Variants in CDH12 observed in about 807,000 individuals in gnomAD.
The protein encoded by CDH12 is cadherin 12.
In CDH12, 41 loss-of-function variants were observed where a neutral mutation model predicts 74.1. That is an observed-to-expected ratio of 0.55 (90% CI 0.43 to 0.72). The LOEUF is 0.72. Among genes scored for constraint, CDH12 ranks in the 30% least tolerant of loss-of-function variants. The pLI, the probability that CDH12 is intolerant of heterozygous loss-of-function variation, is 0.00. For missense variants in CDH12, 945 were observed against 977.2 expected, an observed-to-expected ratio of 0.97 and a Z score of 0.44; for synonymous variants, 399 against 355.0, an observed-to-expected ratio of 1.12 and a Z score of -1.39.
intron 6 of CDH12, among the ~76,000 whole-genome samples, chr5:21,893,755 T>C (rs930698233): frequency 6.6e-5 from 10 of 152,196 alleles, no homozygotes; most frequent in African/African-American, 1.9e-4. Context: ...CATGTCATTC[T>C]TCTCTACTTC....
chr5:21,972,942 C>T (rs539325848), intron 6 of CDH12, among the ~76,000 whole-genome samples: 5 of 151,358 alleles, frequency 3.3e-5, no homozygotes, highest in African/African-American at 1.2e-4. Context: ...TGGCTCATGA[C>T]TGTAATCCCA....
intron 5 of CDH12, among the ~76,000 whole-genome samples, chr5:22,009,575 C>T (rs975682344): frequency 1.3e-5 from 2 of 152,160 alleles, no homozygotes; most frequent in Non-Finnish European, 2.9e-5. Flanking sequence ...CTTGTTGATT[C>T]TATCTTTTAA....
chr5:22,565,605 T>C (rs953077687), intron 1 of CDH12, among the ~76,000 whole-genome samples: 1 of 152,112 alleles, frequency 6.6e-6, no homozygotes, highest in Non-Finnish European at 1.5e-5. Flanking sequence ...GAAAGAGAAG[T>C]AAGAGAAGTC....
At chr5:21,838,780 A>C (rs1386905095) in intron 8 of CDH12, among the ~76,000 whole-genome samples, 1 of 152,158 alleles carries the variant, frequency 6.6e-6, no homozygotes, top group Non-Finnish European at 1.5e-5. Flanking sequence ...TTTCCTAAGC[A>C]TACTCTAGCT....
At chr5:21,909,700 A>G (rs1753783798) in intron 6 of CDH12, among the ~76,000 whole-genome samples, 2 of 152,224 alleles carry the variant, frequency 1.3e-5, no homozygotes. Context: ...TAAACATCAT[A>G]AAAATCTACC....
chr5:22,049,875 G>A (rs1312017656), intron 5 of CDH12, among the ~76,000 whole-genome samples: 1 of 152,064 alleles, frequency 6.6e-6, no homozygotes, highest in African/African-American at 2.4e-5. Context: ...CATATTCGAT[G>A]TATGCCCATG....
At chr5:22,425,731 A>G (rs1402720398) in intron 2 of CDH12, among the ~76,000 whole-genome samples, 1 of 151,928 alleles carries the variant, frequency 6.6e-6, no homozygotes, top group Non-Finnish European at 1.5e-5. Context: ...AAAATTATTT[A>G]TTGTTTCATT....
intron 2 of CDH12, among the ~76,000 whole-genome samples, chr5:22,467,027 C>G (rs1239953640): frequency 6.6e-6 from 1 of 151,416 alleles, no homozygotes; most frequent in African/African-American, 2.4e-5. Flanking sequence ...CCTCGTGATC[C>G]GCCCACCTCG....
At position 22,420,798 on chromosome 5, in the gene CDH12, A is replaced by T. The variant is rs536126978; in HGVS notation, c.-427-15447T>A. Among the ~76,000 whole-genome samples, 6 of 152,276 alleles carry T rather than the reference A, an allele frequency of 3.9e-5. No homozygotes were observed. The East Asian group carries it at 1.2e-3, about 29-fold the overall frequency. On this transcript the variant is annotated intron_variant, in intron 2 of 14. Coordinates refer to ENST00000382254, the MANE Select transcript of CDH12 (RefSeq NM_004061.5). ...TACTTTCAGCAGTATGGTCATCTTT[A>T]TGATATTGATTGTTTCTATCTGTGA...
intron 1 of CDH12, among the ~76,000 whole-genome samples, chr5:22,816,696 A>G (rs968397551): frequency 1.3e-5 from 2 of 152,302 alleles, no homozygotes; most frequent in South Asian, 4.1e-4. Context: ...TTTAGCTAAT[A>G]CAGCTATGGC....
rs1554032478 is a variant in CDH12 at position 21,804,643 on chromosome 5, A to AAAAAATACACACAC, written c.1003-2224_1003-2223insGTGTGTGTATTTTT. Among the ~76,000 whole-genome samples the AAAAAATACACACAC allele has an allele frequency of 2.8e-3, 325 of 115,362 alleles. 8 individuals are homozygous for AAAAAATACACACAC. The highest frequency in any genetic ancestry group is 3.2e-3 in the African/African-American group (101 of 31,404). The allele number at this position is 115,362 out of a possible 152,430, so 75.7% of individuals were successfully genotyped here. A position where few individuals can be genotyped will look rare whatever the true frequency, so the allele number is the denominator to read the frequency against. Reference sequence around the variant, plus strand: ...ATAAAATCATTCTATAGTGAATTAAAACACACACACACACACACACACACA... The same window carrying AAAAAATACACACAC: ...ATAAAATCATTCTATAGTGAATTAAAAAAAATACACACACACACACACACACACACACACACACA... On this transcript the variant is annotated intron_variant, in intron 9 of 14. Transcript: ENST00000382254.
intron 3 of CDH12, among the ~76,000 whole-genome samples, chr5:22,275,368 T>A (rs1465867150): frequency 6.6e-6 from 1 of 152,198 alleles, no homozygotes; most frequent in Non-Finnish European, 1.5e-5. Context: ...ATTCCTTGAA[T>A]AACATTACAT....
At chr5:22,607,708 G>T (rs1737188909) in intron 1 of CDH12, among the ~76,000 whole-genome samples, 1 of 151,630 alleles carries the variant, frequency 6.6e-6, no homozygotes, top group South Asian at 2.1e-4. Flanking sequence ...TTCATGGGCT[G>T]GGCCCAGGAC....
chr5:22,334,182 C>T (rs936762952), intron 3 of CDH12, among the ~76,000 whole-genome samples: 1 of 151,836 alleles, frequency 6.6e-6, no homozygotes, highest in Admixed American at 6.6e-5. Context: ...AGGAAGAAGT[C>T]AAATTATCTG....
chr5:21,919,692 ATAATTTAT>A (rs1292987680), intron 6 of CDH12, among the ~76,000 whole-genome samples: 3 of 152,204 alleles, frequency 2.0e-5, no homozygotes, highest in African/African-American at 7.2e-5. Context: ...TGATAAATAC[ATAATTTAT>A]TAAATCTAAA....
intron 1 of CDH12, among the ~76,000 whole-genome samples, chr5:22,843,317 G>A (rs1737159758): frequency 6.6e-6 from 1 of 151,982 alleles, no homozygotes. Flanking sequence ...TTCACTAAGA[G>A]TTCCAGAATA....
At chr5:22,271,753 A>T (rs1382958054) in intron 3 of CDH12, among the ~76,000 whole-genome samples, 1 of 152,082 alleles carries the variant, frequency 6.6e-6, no homozygotes, top group Non-Finnish European at 1.5e-5. Flanking sequence ...TTGAGTGACC[A>T]GGTACATTGT....
chr5:22,234,491 AT>A (rs1752492267), intron 3 of CDH12, among the ~76,000 whole-genome samples: 1 of 151,748 alleles, frequency 6.6e-6, no homozygotes, highest in Non-Finnish European at 1.5e-5. Context: ...TCCCACTATG[AT>A]TCTGAGGCCT....
chr5:21,852,918 CA>C (rs1750549142), intron 7 of CDH12, among the ~76,000 whole-genome samples: 1 of 151,104 alleles, frequency 6.6e-6, no homozygotes, highest in Non-Finnish European at 1.5e-5. Flanking sequence ...CATAACTATA[CA>C]AGAAAAAAAT....
Sources: gnomAD v4.1 joint callset for allele counts (sites outside exome capture counted in the v4.1 genomes callset) on GRCh38, gnomAD v4.1.1 for gene constraint, MANE v1.5 for transcripts, NCBI Gene and HGNC (gene_info 2026-07-23, HGNC 2026-07-21) for gene names.